ADGRF5: variants seen among roughly 807,000 people sequenced by gnomAD.
The protein encoded by ADGRF5 is G-protein coupled receptor 116.
Under a neutral mutation model 132.3 loss-of-function variants are expected in ADGRF5, and 75 were observed. That is an observed-to-expected ratio of 0.57 (90% CI 0.47 to 0.69). The LOEUF (loss-of-function observed/expected upper bound fraction) is 0.69, where lower values mean the gene tolerates loss of function less well. Among genes scored for constraint, ADGRF5 ranks in the 30% least tolerant of loss-of-function variants. The pLI is 0.00. For synonymous variants in ADGRF5, 629 were observed against 597.6 expected (o/e 1.05, Z -0.77); for missense variants, 1,516 against 1,630.6 (o/e 0.93, Z 1.21).
At chr6:46,904,812 G>A (rs1331581408) in intron 2 of ADGRF5, among the ~76,000 whole-genome samples, 2 of 152,218 alleles carry the variant, frequency 1.3e-5, no homozygotes, top group African/African-American at 2.4e-5. Context: ...GCTTAGGGCA[G>A]TATAAACTGA....
At position 46,884,179 on chromosome 6, in the gene ADGRF5, C is replaced by T. The variant is rs1330615247; in HGVS notation, c.421G>A (p.Glu141Lys). 1.2e-6 allele frequency: 2 copies of T among 1,614,108 alleles called. No homozygotes were observed. ...ERCLHNLICQ[E>K]RDVFLPGHHC... Reference sequence around the variant, plus strand: ...TGCCCTGGGAGGAAGACGTCACGCTCTTGACAAATGAGATTGTGAAGACAC... The same window carrying T: ...TGCCCTGGGAGGAAGACGTCACGCTTTTGACAAATGAGATTGTGAAGACAC... Residue 141 changes from glutamate (E) to lysine (K), a missense_variant, in exon 5 of 21, where the codon GAG (glutamate) becomes AAG (lysine). By Grantham distance (56) the Glu-to-Lys change is moderately conservative (BLOSUM62 1). Transcript: ENST00000283296.
intron 6 of ADGRF5, among the ~76,000 whole-genome samples, chr6:46,882,821 G>A (rs1581836069): frequency 6.6e-6 from 1 of 152,222 alleles, no homozygotes; most frequent in Non-Finnish European, 1.5e-5. Flanking sequence ...GCACTCATGG[G>A]AGATGACAAT....
chr6:46,881,445 T>G lies in ADGRF5; in HGVS notation c.814+10A>C. ...AAATAACATGACCATATCTAAACAA[T>G]TTCACTTACTGATAGTAACTGCTTG... On this transcript the variant is annotated intron_variant, in intron 8 of 20. Coordinates refer to ENST00000283296, the MANE Select transcript of ADGRF5 (RefSeq NM_001098518.2). 6.2e-7 allele frequency: 1 copy of G among 1,609,394 alleles called. No individual in the cohort carries two copies. The highest frequency in any genetic ancestry group is 8.5e-7 in the Non-Finnish European group (1 of 1,175,820).
At chr6:46,925,697 C>T (rs1039602732), upstream of ADGRF5, among the ~76,000 whole-genome samples, 8 of 152,202 alleles carry the variant, frequency 5.3e-5, no homozygotes, top group African/African-American at 1.9e-4. Flanking sequence ...GCAGAGGTTG[C>T]TGTGAGCCAA....
At position 46,879,348 on chromosome 6, in the gene ADGRF5, G is replaced by A. The variant is rs188321341; in HGVS notation, c.1036+470C>T. On this transcript the variant is annotated intron_variant, in intron 9 of 20. Coordinates refer to ENST00000283296, the MANE Select transcript of ADGRF5 (RefSeq NM_001098518.2). ...TCATGTCGAATTATAATCTGCACAT[G>A]TTCAGGCAGGGCCCTGGTGGTAGGT... Among the ~76,000 whole-genome samples, 3 of 152,144 alleles carry A rather than the reference G, an allele frequency of 2.0e-5. No homozygotes were observed. The East Asian group carries it at 5.8e-4, about 29-fold the overall frequency.
Position 46,881,584 on chromosome 6 carries a change from C to A in ADGRF5, c.685G>T (p.Val229Phe), listed in dbSNP as rs1385076846. Residue 229 changes from valine to phenylalanine, a missense_variant, in exon 8 of 21, where the codon GTT becomes TTT. Around this residue, in one of 2 missense-constraint regions of ADGRF5, gnomAD observed 945 missense variants for 929.4 expected, o/e 1.02. Transcript: ENST00000283296. ...GTAGTCTTGACTTCATATGTCACAA[C>A]CACACTTCCAGACCTGGACAGAGAC... ...TVTGFKSGSV[V>F]VTYEVKTTPP... The A allele has an allele frequency of 1.2e-6, 2 of 1,613,650 alleles. No individual in the cohort carries two copies. Among genetic ancestry groups the A allele is most frequent in the South Asian group, 1.1e-5 (1 of 91,052 alleles).
intron 15 of ADGRF5, among the ~76,000 whole-genome samples, chr6:46,862,072 C>A (rs1488050643): frequency 6.6e-6 from 1 of 151,818 alleles, no homozygotes; most frequent in Non-Finnish European, 1.5e-5. Context: ...TCATGCTTTG[C>A]ACATAGTAGA....
chr6:46,882,065 T>C lies in ADGRF5; in HGVS notation c.655A>G (p.Thr219Ala). 1 of 1,610,248 alleles carries C rather than the reference T, an allele frequency of 6.2e-7. No individual in the cohort carries two copies. The highest frequency in any genetic ancestry group is 8.5e-7 in the Non-Finnish European group (1 of 1,176,504). ...TATTCTTACTTGAACCCTGTCACAG[T>C]CACGCCCTTGAAGCCTGGTAAAATT... is the stretch of plus-strand genomic sequence containing the variant. ...YGILPGFKGVTVTGFKSGSVV... is the reference protein window; with the variant it reads ...YGILPGFKGVAVTGFKSGSVV... The change falls in exon 7 of 21, where the codon ACT (threonine) becomes GCT (alanine). Residue 219 changes from threonine to alanine, a missense_variant. Thr to Ala is a moderately conservative substitution (Grantham distance 58). Coordinates refer to ENST00000283296, the MANE Select transcript of ADGRF5 (RefSeq NM_001098518.2).
chr6:46,906,672 T>G lies in ADGRF5; in HGVS notation c.91A>C (p.Ile31Leu). 6.5e-7 allele frequency: 1 copy of G among 1,528,334 alleles called. No individual in the cohort carries two copies. The allele number at this position is 1,528,334 out of a possible 1,614,324, so 94.7% of individuals were successfully genotyped here. The change falls in exon 2 of 21, where the codon ATT (isoleucine) becomes CTT (leucine). Residue 31 changes from isoleucine (I) to leucine (L), a missense_variant. By Grantham distance (5) the Ile-to-Leu change is conservative. This residue lies in a region of ADGRF5 where 945 missense variants were observed against 929.4 expected (regional missense o/e 1.02). Transcript: ENST00000283296. ...AALNWNYEST[I>L]HPLSLHEHEP... Reference sequence around the variant, plus strand: ...TGGATATAACTCACCAAAGGATGAATAGTAGACTCGTAATTCCAGTTCAGT... The same window carrying G: ...TGGATATAACTCACCAAAGGATGAAGAGTAGACTCGTAATTCCAGTTCAGT...
chr6:46,953,352 T>C (rs751686101), intron 1 of ADGRF5, among the ~76,000 whole-genome samples: 1 of 152,092 alleles, frequency 6.6e-6, no homozygotes, highest in Non-Finnish European at 1.5e-5. Context: ...TCGGGCACCA[T>C]GGCTCCCGCC....
chr6:46,862,115 G>A lies in ADGRF5; in HGVS notation c.2199+773C>T, dbSNP rs141721170. Among the ~76,000 whole-genome samples the A allele has an allele frequency of 9.8e-3, 1,496 of 152,268 alleles. 27 individuals carry two copies. The highest frequency in any genetic ancestry group is 0.034 in the African/African-American group (1,421 of 41,546). ...ATAAATTTGGTGTGAGACAAGAGAAGAGATAGAAGTTAATTAGATGAAACA... is the reference window on the plus strand; with the variant it reads ...ATAAATTTGGTGTGAGACAAGAGAAAAGATAGAAGTTAATTAGATGAAACA... On this transcript the variant is annotated intron_variant, in intron 15 of 20. Transcript: ENST00000283296.
In ADGRF5 at chr6:46,888,942, C is replaced by G. The variant is rs146570798; in HGVS notation, c.158-437G>C. 8.6e-3 allele frequency among the ~76,000 whole-genome samples: 1,315 copies of G among 152,186 alleles called. 20 individuals carry two copies. Among genetic ancestry groups the G allele is most frequent in the African/African-American group, 0.029 (1,193 of 41,506 alleles). On this transcript the variant is annotated intron_variant, in intron 3 of 20. Coordinates refer to ENST00000283296, the MANE Select transcript of ADGRF5 (RefSeq NM_001098518.2). ...TCTCTTTGCCCTTAGCCTATGGAAACAGCATATATTCTTTGCTCTTCCTCT... is the reference window on the plus strand; with the variant it reads ...TCTCTTTGCCCTTAGCCTATGGAAAGAGCATATATTCTTTGCTCTTCCTCT...
At chr6:46,905,959 G>T (rs2150895277) in intron 2 of ADGRF5, among the ~76,000 whole-genome samples, 1 of 152,278 alleles carries the variant, frequency 6.6e-6, no homozygotes, top group African/African-American at 2.4e-5. Flanking sequence ...TGAAGAAATT[G>T]AGACAGAGAG....
At chr6:46,893,216 G>A (rs1400237604) in intron 3 of ADGRF5, among the ~76,000 whole-genome samples, 1 of 152,004 alleles carries the variant, frequency 6.6e-6, no homozygotes, top group Non-Finnish European at 1.5e-5. Context: ...AAAACCCTGA[G>A]ATAGCAACCC....
At position 46,871,852 on chromosome 6, in the gene ADGRF5, T is replaced by C. The variant is rs867656969; in HGVS notation, c.1402A>G (p.Ile468Val). The C allele has an allele frequency of 2.5e-6, 4 of 1,595,670 alleles. No individual in the cohort carries two copies. Among genetic ancestry groups the C allele is most frequent in the Middle Eastern group, 1.7e-4 (1 of 6,022 alleles). ...RGSANIKVTF[I>V]SVANLTITPD... ...TAGGGAGAGTCCTTACCCACAGAGA[T>C]GAATGTCACTTTTATGTTTGCACTG... Residue 468 changes from isoleucine (I) to valine (V), a missense_variant, in exon 11 of 21, where the codon ATC (isoleucine) becomes GTC (valine). This residue lies in a region of ADGRF5 where 945 missense variants were observed against 929.4 expected (regional missense o/e 1.02). Coordinates refer to ENST00000283296, the MANE Select transcript of ADGRF5 (RefSeq NM_001098518.2).
chr6:46,943,191 A>C (rs1428942040), intron 1 of ADGRF5, among the ~76,000 whole-genome samples: 1 of 152,136 alleles, frequency 6.6e-6, no homozygotes, highest in East Asian at 1.9e-4. Flanking sequence ...AAAGTAAGTA[A>C]GGAGAACTTG....
chr6:46,855,253 A>G (rs1768906952), intron 20 of ADGRF5, among the ~76,000 whole-genome samples: 1 of 152,256 alleles, frequency 6.6e-6, no homozygotes, highest in Non-Finnish European at 1.5e-5. Context: ...TGACTGAAGT[A>G]TCAGCAGCAC....
At chr6:46,926,499 G>T (rs1161989001), upstream of ADGRF5, among the ~76,000 whole-genome samples, 4 of 151,876 alleles carry the variant, frequency 2.6e-5, no homozygotes, top group Non-Finnish European at 4.4e-5. Flanking sequence ...GGGCAGTGCA[G>T]ATTTGAGGTA....
At chr6:46,931,707 T>A (rs1374500197) in intron 1 of ADGRF5, among the ~76,000 whole-genome samples, 1 of 152,230 alleles carries the variant, frequency 6.6e-6, no homozygotes, top group Non-Finnish European at 1.5e-5. Flanking sequence ...AGAACCTTCA[T>A]GAATGAAGGC....
Sources: gnomAD v4.1 joint callset for allele counts (sites outside exome capture counted in the v4.1 genomes callset) on GRCh38, gnomAD v4.1.1 for gene constraint, gnomAD v4.1.1 regional missense constraint, MANE v1.5 for transcripts, NCBI Gene and HGNC (gene_info 2026-07-23, HGNC 2026-07-21) for gene names.